The following PCDH9 variants were observed in gnomAD, a reference collection of about 807,000 sequenced individuals.
PCDH9 encodes the protein protocadherin-9.
Under a neutral mutation model 70.6 loss-of-function variants are expected in PCDH9, and 24 were observed. The observed-to-expected ratio is 0.34, with a 90% CI of 0.25 to 0.48. The LOEUF is 0.48. Among genes scored for constraint, PCDH9 ranks in the 20% least tolerant of loss-of-function variants. The probability of loss-of-function intolerance (pLI) is 0.99; values close to 1 mark genes in which losing one functional copy is unlikely to be tolerated. For missense variants in PCDH9, 1,281 were observed against 1,503.6 expected, an observed-to-expected ratio of 0.85 and a Z score of 2.45; for synonymous variants, 562 against 558.5, an observed-to-expected ratio of 1.01 and a Z score of -0.09.
intron 4 of PCDH9, among the ~76,000 whole-genome samples, chr13:66,559,959 G>A (rs1961935584): frequency 6.6e-6 from 1 of 151,248 alleles, no homozygotes. Context: ...CACAGCTAAT[G>A]AATATCTATC....
intron 3 of PCDH9, among the ~76,000 whole-genome samples, chr13:66,681,950 C>CATATATATATATATATATATAT (rs56280836): frequency 0.039 from 5,042 of 129,444 alleles, 199 homozygotes; most frequent in African/African-American, 0.061. Context: ...TATATACAAA[C>CATATATATATATATATATATAT]ATATATATAT....
At chr13:66,683,839 C>T (rs1188980462) in intron 3 of PCDH9, among the ~76,000 whole-genome samples, 1 of 136,194 alleles carries the variant, frequency 7.3e-6, no homozygotes, top group South Asian at 2.5e-4. Flanking sequence ...CAAATTGTAG[C>T]CAAAGTTAAG....
intron 3 of PCDH9, among the ~76,000 whole-genome samples, chr13:66,779,834 T>TCTCTCTCC (rs1192114616): frequency 4.1e-5 from 1 of 24,174 alleles, no homozygotes; most frequent in Non-Finnish European, 1.0e-4. Context: ...TCTCTCTCTC[T>TCTCTCTCC]CTCTCTCTCT....
intron 2 of PCDH9, among the ~76,000 whole-genome samples, chr13:66,934,404 G>A (rs893096173): frequency 6.6e-6 from 1 of 151,710 alleles, no homozygotes; most frequent in Admixed American, 6.6e-5. Flanking sequence ...AGCTGGGTGT[G>A]GTGGCGAGTG....
At chr13:66,314,359 C>A (rs953963934) in intron 4 of PCDH9, among the ~76,000 whole-genome samples, 1 of 152,174 alleles carries the variant, frequency 6.6e-6, no homozygotes, top group African/African-American at 2.4e-5. Context: ...GGGGGTAAGT[C>A]CAAGATCCAT....
chr13:66,510,012 T>C (rs1959389511), intron 4 of PCDH9, among the ~76,000 whole-genome samples: 1 of 152,208 alleles, frequency 6.6e-6, no homozygotes, highest in African/African-American at 2.4e-5. Context: ...AAATAATGGC[T>C]GACAAATTCA....
chr13:67,164,501 G>A (rs1339964422), intron 2 of PCDH9, among the ~76,000 whole-genome samples: 9 of 150,668 alleles, frequency 6.0e-5, no homozygotes, highest in African/African-American at 2.2e-4. Flanking sequence ...TTGAACCAGG[G>A]AGGCAGAGGT....
intron 2 of PCDH9, among the ~76,000 whole-genome samples, chr13:67,132,393 T>C (rs2087130329): frequency 6.6e-6 from 1 of 152,136 alleles, no homozygotes; most frequent in African/African-American, 2.4e-5. Flanking sequence ...AAAGGCTGTA[T>C]CTTGCAAGAA....
intron 2 of PCDH9, among the ~76,000 whole-genome samples, chr13:66,989,570 G>C (rs1315670214): frequency 2.0e-5 from 3 of 151,778 alleles, no homozygotes; most frequent in Non-Finnish European, 2.9e-5. Flanking sequence ...ATGATCCCAA[G>C]TCTTTTTTTC....
chr13:66,523,133 G>C (rs1003503765), intron 4 of PCDH9, among the ~76,000 whole-genome samples: 3 of 151,892 alleles, frequency 2.0e-5, no homozygotes, highest in African/African-American at 7.3e-5. Context: ...CAGCATTCTT[G>C]AAAGTTCAAT....
At chr13:66,931,814 G>T (rs1277980994) in intron 2 of PCDH9, among the ~76,000 whole-genome samples, 1 of 152,022 alleles carries the variant, frequency 6.6e-6, no homozygotes, top group African/African-American at 2.4e-5. Context: ...AGATTTTCCA[G>T]AAATGACAAT....
At chr13:66,332,308 A>C (rs1161805669) in intron 4 of PCDH9, among the ~76,000 whole-genome samples, 1 of 152,132 alleles carries the variant, frequency 6.6e-6, no homozygotes, top group East Asian at 1.9e-4. Flanking sequence ...ACCATGTTAG[A>C]ATGAGGTCTT....
chr13:66,887,034 AACACACACACACACACACACAC>A (rs9317623), intron 3 of PCDH9, among the ~76,000 whole-genome samples: 2 of 143,874 alleles, frequency 1.4e-5, no homozygotes, highest in South Asian at 4.5e-4. Flanking sequence ...CAAATATAAT[AACACACACACACACACACACAC>A]ACACACACAC....
At chr13:66,722,502 A>G (rs2078954184) in intron 3 of PCDH9, among the ~76,000 whole-genome samples, 1 of 152,092 alleles carries the variant, frequency 6.6e-6, no homozygotes, top group African/African-American at 2.4e-5. Flanking sequence ...TTACACTACA[A>G]TGATTATTAA....
chr13:66,553,476 A>G (rs983227941), intron 4 of PCDH9, among the ~76,000 whole-genome samples: 4 of 152,206 alleles, frequency 2.6e-5, no homozygotes, highest in African/African-American at 9.6e-5. Flanking sequence ...GTTGTTTTGA[A>G]AAGTGGCTTT....
chr13:67,149,726 G>A (rs1594578917), intron 2 of PCDH9, among the ~76,000 whole-genome samples: 1 of 151,842 alleles, frequency 6.6e-6, no homozygotes, highest in Non-Finnish European at 1.5e-5. Context: ...AAAACCCTAA[G>A]ATTATTAACT....
intron 2 of PCDH9, among the ~76,000 whole-genome samples, chr13:67,111,462 T>C (rs932907519): frequency 6.6e-6 from 1 of 152,192 alleles, no homozygotes; most frequent in Non-Finnish European, 1.5e-5. Flanking sequence ...TATATACTAG[T>C]CTATGCTAGG....
intron 4 of PCDH9, among the ~76,000 whole-genome samples, chr13:66,394,076 G>T (rs893620804): frequency 2.6e-5 from 4 of 152,170 alleles, no homozygotes; most frequent in Non-Finnish European, 5.9e-5. Context: ...AGGTGACTTA[G>T]TGGGCTGGGA....
At chr13:66,823,795 A>G (rs9317616) in intron 3 of PCDH9, among the ~76,000 whole-genome samples, 79,108 of 151,930 alleles carry the variant, frequency 0.52, 21,759 homozygotes, top group South Asian at 0.66. Flanking sequence ...TTTATTGTAC[A>G]TTTTATTTTC....
Sources: gnomAD v4.1 joint callset for allele counts (sites outside exome capture counted in the v4.1 genomes callset) on GRCh38, gnomAD v4.1.1 for gene constraint, MANE v1.5 for transcripts, NCBI Gene and HGNC (gene_info 2026-07-23, HGNC 2026-07-21) for gene names.